ANKRD11: variants seen among roughly 807,000 people sequenced by gnomAD.
ANKRD11 encodes ankyrin repeat domain 11.
Under a neutral mutation model 195.7 loss-of-function variants are expected in ANKRD11, and 17 were observed. The ratio of observed to expected loss-of-function variants is 0.09; its 90% CI spans 0.06 to 0.13. The LOEUF is 0.13. Among genes scored for constraint, ANKRD11 ranks in the 10% least tolerant of loss-of-function variants. The probability of loss-of-function intolerance (pLI) is 1.00; values close to 1 mark genes in which losing one functional copy is unlikely to be tolerated. For synonymous variants in ANKRD11, 1,953 were observed against 1,528.1 expected, an observed-to-expected ratio of 1.28 and a Z score of -6.49; for missense variants, 3,735 against 3,566.1, an observed-to-expected ratio of 1.05 and a Z score of -1.21.
At chr16:89,313,140 T>C (rs2036708165) in intron 3 of ANKRD11, among the ~76,000 whole-genome samples, 2 of 152,316 alleles carry the variant, frequency 1.3e-5, no homozygotes, top group Non-Finnish European at 1.5e-5. Flanking sequence ...CTCAGGTGAC[T>C]GCTCGTCGGA....
rs897872659 is a variant in ANKRD11, at chr16:89,305,484, G to C, written c.88-140C>G. On this transcript the variant is annotated intron_variant, in intron 3 of 12. Coordinates refer to ENST00000301030, the MANE Select transcript of ANKRD11 (RefSeq NM_013275.6). ...TCCCTGCACCCCAGGGCGTGGCTGT[G>C]TGAGGCTGGTCACCGACCGCAGAAC... 14 of 1,246,738 alleles carry C rather than the reference G, an allele frequency of 1.1e-5. No homozygotes were observed. In the African/African-American group the frequency reaches 1.8e-4, roughly 16 times the overall value. The allele number at this position is 1,246,738 out of a possible 1,614,324, so 77.2% of individuals were successfully genotyped here. A position where few individuals can be genotyped will look rare whatever the true frequency, so the allele number is the denominator to read the frequency against.
At position 89,291,026 on chromosome 16, in the gene ANKRD11, A is replaced by C; in HGVS notation, c.384T>G (p.Ser128=). The C allele has an allele frequency of 6.2e-7, 1 of 1,612,046 alleles. No individual in the cohort carries two copies. Among genetic ancestry groups the C allele is most frequent in the Non-Finnish European group, 8.5e-7 (1 of 1,179,824 alleles). The part of the protein sequence containing the change: ...ALLMQMTAEE[S]ANSPVDTTPK... Reference sequence around the variant, plus strand: ...GGCCGGGCTCACCTGGGCTGTTGGCAGACTCCTCGGCCGTCATCTGCATGA... The same window carrying C: ...GGCCGGGCTCACCTGGGCTGTTGGCCGACTCCTCGGCCGTCATCTGCATGA... The change falls in exon 5 of 13, where the codon TCT becomes TCG. Residue 128 remains serine, a synonymous_variant. Coordinates refer to ENST00000301030, the MANE Select transcript of ANKRD11 (RefSeq NM_013275.6). The surrounding 1 kb of genome is among the most constrained non-coding windows in gnomAD (Gnocchi z 5.3).
intron 3 of ANKRD11, among the ~76,000 whole-genome samples, chr16:89,308,204 C>A (rs554201099): frequency 3.3e-5 from 5 of 152,326 alleles, no homozygotes; most frequent in South Asian, 2.1e-4. Flanking sequence ...AAAGACAACA[C>A]AAATGATAGG....
chr16:89,468,354 C>T (rs867288612), intron 1 of ANKRD11, among the ~76,000 whole-genome samples: 1 of 152,142 alleles, frequency 6.6e-6, no homozygotes, highest in Admixed American at 6.6e-5. Flanking sequence ...GGGGGAAAGT[C>T]TATTTTGCAC....
Position 89,316,831 on chromosome 16 carries a change from GC to G in ANKRD11, c.87+101del, listed in dbSNP as rs552086983. 1.5e-4 allele frequency: 211 copies of G among 1,389,618 alleles called. No homozygotes were observed. In the African/African-American group the frequency reaches 2.7e-3, roughly 17 times the overall value. The allele number at this position is 1,389,618 out of a possible 1,614,324, so 86.1% of individuals were successfully genotyped here. ...CTGCAGACAGAGGCACGAGGAAAGG[GC>G]CGGAGGGCGGAGAACAGGCCACAGG... On this transcript the variant is annotated intron_variant, in intron 3 of 12. Transcript: ENST00000301030.
chr16:89,369,084 A>G (rs1188864869), intron 2 of ANKRD11, among the ~76,000 whole-genome samples: 2 of 152,104 alleles, frequency 1.3e-5, no homozygotes, highest in African/African-American at 2.4e-5. Flanking sequence ...CTGCCCTACA[A>G]TGATCACATC....
At chr16:89,466,168 G>A (rs1210297439) in intron 1 of ANKRD11, among the ~76,000 whole-genome samples, 1 of 152,158 alleles carries the variant, frequency 6.6e-6, no homozygotes, top group Non-Finnish European at 1.5e-5. Flanking sequence ...CAGAGCGCAT[G>A]CAGCCCACCC....
At position 89,274,873 on chromosome 16, in the gene ANKRD11, A is replaced by G; in HGVS notation, c.7654T>C (p.Phe2552Leu). Residue 2552 changes from phenylalanine (F) to leucine (L), a missense_variant, in exon 11 of 13, where the codon TTC (phenylalanine) becomes CTC (leucine). Physicochemically the swap from Phe to Leu is conservative, Grantham distance 22. Coordinates refer to ENST00000301030, the MANE Select transcript of ANKRD11 (RefSeq NM_013275.6). ...ARTIANQAVP[F>L]SACTMLLDSE... ...TCCAGCAGCATCGTGCAGGCGCTGAATGGCACTGCCTGGTTGGCGATGGTC... is the reference window on the plus strand; with the variant it reads ...TCCAGCAGCATCGTGCAGGCGCTGAGTGGCACTGCCTGGTTGGCGATGGTC... 1 of 1,613,422 alleles carries G rather than the reference A, an allele frequency of 6.2e-7. No individual in the cohort carries two copies.
chr16:89,426,509 C>T (rs758794411), intron 1 of ANKRD11, among the ~76,000 whole-genome samples: 55 of 146,960 alleles, frequency 3.7e-4, no homozygotes, highest in Non-Finnish European at 7.0e-4. Flanking sequence ...GAACAAGAGG[C>T]TCTGATGGTC....
intron 1 of ANKRD11, among the ~76,000 whole-genome samples, chr16:89,477,481 G>A (rs958577064): frequency 1.4e-4 from 22 of 151,854 alleles, no homozygotes; most frequent in Non-Finnish European, 2.1e-4. Context: ...TCACCCTCCC[G>A]AGTAGCTGAG....
chr16:89,313,017 T>C (rs995698465), intron 3 of ANKRD11, among the ~76,000 whole-genome samples: 2 of 152,154 alleles, frequency 1.3e-5, no homozygotes, highest in Non-Finnish European at 2.9e-5. Flanking sequence ...ACATGCTCAG[T>C]TCTCAACTGC....
chr16:89,449,747 T>G (rs4785669), intron 1 of ANKRD11, among the ~76,000 whole-genome samples: 1 of 151,826 alleles, frequency 6.6e-6, no homozygotes, highest in Non-Finnish European at 1.5e-5. Context: ...GAGCCGAGAT[T>G]GTGTCACTGC....
At chr16:89,271,961 A>G (rs940216108) in intron 11 of ANKRD11, 1 of 152,146 alleles carries the variant, frequency 6.6e-6, no homozygotes, top group Non-Finnish European at 1.5e-5. Flanking sequence ...AAAGACACGC[A>G]CAGAATGGGA....
At chr16:89,482,514 TG>T (rs1462879717) in intron 1 of ANKRD11, among the ~76,000 whole-genome samples, 1 of 152,202 alleles carries the variant, frequency 6.6e-6, no homozygotes, top group Non-Finnish European at 1.5e-5. Flanking sequence ...TGCTCACCCC[TG>T]GAACCTGTGA....
Position 89,470,993 on chromosome 16 carries a change from A to C in ANKRD11, c.-145+19252T>G, listed in dbSNP as rs557007218. ...GGGCGACAGAGCGAGACTCTGTCTC[A>C]GAAAAAAAAGGAAATCTCATGAAAG... On this transcript the variant is annotated intron_variant, in intron 1 of 12. Coordinates refer to ENST00000301030, the MANE Select transcript of ANKRD11 (RefSeq NM_013275.6). Among the ~76,000 whole-genome samples, 45 of 152,088 alleles carry C rather than the reference A, an allele frequency of 3.0e-4. No homozygotes were observed. The South Asian group carries it at 8.7e-3, about 29-fold the overall frequency.
chr16:89,455,380 T>C (rs1452542949), intron 1 of ANKRD11, among the ~76,000 whole-genome samples: 2 of 152,132 alleles, frequency 1.3e-5, no homozygotes, highest in African/African-American at 4.8e-5. Context: ...CCTTAAGTGC[T>C]GTGGCAGCAG....
chr16:89,447,106 CCACA>C (rs1325957610), intron 1 of ANKRD11, among the ~76,000 whole-genome samples: 3 of 152,136 alleles, frequency 2.0e-5, no homozygotes, highest in African/African-American at 7.2e-5. Context: ...TGCATGACCC[CCACA>C]CAAAGGGCAC....
Position 89,274,968 on chromosome 16 carries a change from AGAG to A in ANKRD11, c.7570-14_7570-12del, listed in dbSNP as rs2033514680. 3.7e-6 allele frequency: 6 copies of A among 1,613,202 alleles called. No homozygotes were observed. The highest frequency in any genetic ancestry group is 2.2e-5 in the East Asian group (1 of 44,888). ...TACGATCAGCTTCTCCTGAAGGAGGAGAGGAGTAGAGTGAGCTGGGACACAGCC... is the reference window on the plus strand; with the variant it reads ...TACGATCAGCTTCTCCTGAAGGAGGAGAGTAGAGTGAGCTGGGACACAGCC... On this transcript the variant is annotated splice_polypyrimidine_tract_variant and intron_variant, in intron 10 of 12. Coordinates refer to ENST00000301030, the MANE Select transcript of ANKRD11 (RefSeq NM_013275.6).
intron 4 of ANKRD11, among the ~76,000 whole-genome samples, chr16:89,292,416 C>T (rs1305518799): frequency 6.6e-6 from 1 of 152,226 alleles, no homozygotes; most frequent in Non-Finnish European, 1.5e-5. Context: ...TTGCTGTTCA[C>T]CACCATGGTC....
Sources: allele counts gnomAD v4.1 joint callset (sites outside exome capture counted in the v4.1 genomes callset), GRCh38; gene constraint gnomAD v4.1.1; non-coding constraint Gnocchi (gnomAD v3.1); transcripts MANE v1.5; gene names NCBI Gene and HGNC (gene_info 2026-07-23, HGNC 2026-07-21).